Variants in MED13 observed in about 807,000 individuals in gnomAD.
MED13 encodes mediator complex subunit 13.
A neutral mutation model predicts 225.2 loss-of-function variants in MED13; 23 were observed. The ratio of observed to expected loss-of-function variants is 0.10; its 90% confidence interval spans 0.07 to 0.14. The LOEUF is 0.14. Ranked by LOEUF, MED13 falls within the 10% of genes least tolerant of loss-of-function variation. MED13 has a pLI of 1.00. For missense variants in MED13, 2,197 were observed against 2,594.5 expected (o/e 0.85, Z 3.33); for synonymous variants, 942 against 889.2 (o/e 1.06, Z -1.06).
chr17:62,017,728 G>GA (rs1394717711), intron 8 of MED13, among the ~76,000 whole-genome samples: 1 of 152,106 alleles, frequency 6.6e-6, no homozygotes, highest in East Asian at 1.9e-4. Flanking sequence ...TGTTTTTTAT[G>GA]ATAGTATCAC....
At chr17:61,984,455 T>C in intron 14 of MED13, 88 bp from the exon 15 acceptor site, 2 of 1,061,652 alleles carry the variant, frequency 1.9e-6, no homozygotes, top group Admixed American at 3.1e-5. Flanking sequence ...CTTTTTTCCT[T>C]TCTTTAAACA....
chr17:62,022,756 T>C (rs543511592), intron 8 of MED13, among the ~76,000 whole-genome samples: 48 of 152,304 alleles, frequency 3.2e-4, no homozygotes, highest in African/African-American at 1.1e-3. Context: ...ATGCCTGTAA[T>C]CTCAGCACTT....
At chr17:61,981,911 T>C (rs1265008967) in intron 16 of MED13, among the ~76,000 whole-genome samples, 3 of 152,242 alleles carry the variant, frequency 2.0e-5, no homozygotes, top group African/African-American at 7.2e-5. Flanking sequence ...TGAAAGAATG[T>C]TGAATAAAGC....
At position 62,023,270 on chromosome 17, in the gene MED13, C is replaced by T. The variant is rs373470943; in HGVS notation, c.1283+6271G>A. Among the ~76,000 whole-genome samples the T allele has an allele frequency of 5.3e-5, 8 of 152,124 alleles. No homozygotes were observed. In the East Asian group the frequency reaches 7.7e-4, roughly 15 times the overall value. On this transcript the variant is annotated intron_variant, in intron 8 of 29. Coordinates refer to ENST00000397786, the MANE Select transcript of MED13 (RefSeq NM_005121.3). ...GAAGCCAATGTTATCAGGCAGGGTCCAGACCTATCTTTCACACAGAAGAAA... is the reference window on the plus strand; with the variant it reads ...GAAGCCAATGTTATCAGGCAGGGTCTAGACCTATCTTTCACACAGAAGAAA...
intron 8 of MED13, among the ~76,000 whole-genome samples, chr17:62,019,292 T>C (rs543929901): frequency 9.8e-5 from 15 of 152,342 alleles, no homozygotes; most frequent in South Asian, 8.3e-4. Context: ...TGGCTACTGT[T>C]TTGGAAAATA....
intron 2 of MED13, among the ~76,000 whole-genome samples, chr17:62,055,522 T>A (rs1278193747): frequency 6.6e-6 from 1 of 151,888 alleles, no homozygotes; most frequent in Non-Finnish European, 1.5e-5. Flanking sequence ...GTCAAATGAT[T>A]TAAGAATATT....
At chr17:61,998,874 C>A (rs1399307856) in intron 9 of MED13, among the ~76,000 whole-genome samples, 1 of 149,554 alleles carries the variant, frequency 6.7e-6, no homozygotes. Flanking sequence ...GCTGGGATTA[C>A]AGGTGTGAGC....
At chr17:62,024,213 T>TCA (rs2080677720) in intron 8 of MED13, among the ~76,000 whole-genome samples, 1 of 152,186 alleles carries the variant, frequency 6.6e-6, no homozygotes, top group South Asian at 2.1e-4. Flanking sequence ...AGATGGTATT[T>TCA]CACCATGTTG....
chr17:61,951,438 T>C (rs1284162417), intron 27 of MED13, among the ~76,000 whole-genome samples: 4 of 152,222 alleles, frequency 2.6e-5, no homozygotes, highest in Non-Finnish European at 5.9e-5. Context: ...AAAATTATTA[T>C]GGCAACATGA....
chr17:61,976,515 C>CAACT (rs1163961071), intron 16 of MED13, among the ~76,000 whole-genome samples: 1 of 152,134 alleles, frequency 6.6e-6, no homozygotes, highest in East Asian at 1.9e-4. Flanking sequence ...AAAAAGCAGC[C>CAACT]AACTGTACAT....
chr17:62,039,138 C>T (rs539366385), intron 3 of MED13, among the ~76,000 whole-genome samples: 18 of 152,270 alleles, frequency 1.2e-4, no homozygotes, highest in Non-Finnish European at 1.9e-4. Context: ...TATTTACTAA[C>T]AACACTCAAT....
At chr17:62,029,811 T>C (rs767216943) in intron 7 of MED13, 40 bp downstream of exon 7, 2 of 1,557,838 alleles carry the variant, frequency 1.3e-6, no homozygotes, top group East Asian at 2.3e-5. Context: ...TAAGTAATTA[T>C]CAACATGCAA....
In MED13 at chr17:62,016,061, C is replaced by T. The variant is rs139166936; in HGVS notation, c.1284-4828G>A. Among the ~76,000 whole-genome samples, 581 of 137,836 alleles carry T rather than the reference C, an allele frequency of 4.2e-3. 6 individuals are homozygous for T. Among genetic ancestry groups the T allele is most frequent in the African/African-American group, 0.015 (552 of 36,658 alleles). The allele number at this position is 137,836 out of a possible 152,430, so 90.4% of individuals were successfully genotyped here. ...TCAAGTGATCTACCCACTTCAGCCT[C>T]CCAAAGTGCTGGGATTACAGGCATG... On this transcript the variant is annotated intron_variant, in intron 8 of 29. Coordinates refer to ENST00000397786, the MANE Select transcript of MED13 (RefSeq NM_005121.3).
chr17:62,011,048 G>A lies in MED13; in HGVS notation c.1469C>T (p.Ala490Val). Residue 490 changes from alanine (A) to valine (V), a missense_variant, in exon 9 of 30, where the codon GCA becomes GTA. Physicochemically the swap from Ala to Val is moderately conservative, Grantham distance 64. Coordinates refer to ENST00000397786, the MANE Select transcript of MED13 (RefSeq NM_005121.3). ...CACAAGTCTTTGGCTGGCTGAATCTGCGTCCATGCCAACATCATCACTAAC... is the reference window on the plus strand; with the variant it reads ...CACAAGTCTTTGGCTGGCTGAATCTACGTCCATGCCAACATCATCACTAAC... ...VSVSDDVGMD[A>V]DSASQRLVIS... The A allele has an allele frequency of 6.2e-7, 1 of 1,614,184 alleles. No individual in the cohort carries two copies. The highest frequency in any genetic ancestry group is 8.5e-7 in the Non-Finnish European group (1 of 1,180,024).
At position 62,009,144 on chromosome 17, in the gene MED13, A is replaced by G. The variant is rs188703834; in HGVS notation, c.1967+1406T>C. Among the ~76,000 whole-genome samples the G allele has an allele frequency of 2.6e-5, 4 of 152,344 alleles. No homozygotes were observed. In the East Asian group the frequency reaches 7.7e-4, roughly 29 times the overall value. ...ATAGGTAGACAGTTCTATTGAGCAT[A>G]ATGGTATTTTACTGGTTGATTTTCA... On this transcript the variant is annotated intron_variant, in intron 9 of 29. Coordinates refer to ENST00000397786, the MANE Select transcript of MED13 (RefSeq NM_005121.3).
Position 61,946,472 on chromosome 17 carries a change from A to G in MED13, c.6521T>C (p.Leu2174Pro). 1.2e-6 allele frequency: 2 copies of G among 1,612,822 alleles called. No homozygotes were observed. Among genetic ancestry groups the G allele is most frequent in the Non-Finnish European group, 1.7e-6 (2 of 1,179,440 alleles). Residue 2174 changes from leucine (L) to proline (P), a missense_variant, in exon 30 of 30, where the codon CTG (leucine) becomes CCG (proline). By Grantham distance (98) the Leu-to-Pro change is moderately conservative (BLOSUM62 -3). Coordinates refer to ENST00000397786, the MANE Select transcript of MED13 (RefSeq NM_005121.3). ...NQLYNFIMNM[L>P] ...CACAGTTCCATCAAATGAAGATCAC[A>G]GCATATTCATAATAAAGTTATATAA...
intron 3 of MED13, among the ~76,000 whole-genome samples, chr17:62,051,439 G>A (rs927977104): frequency 3.9e-5 from 6 of 152,114 alleles, no homozygotes; most frequent in African/African-American, 1.4e-4. Context: ...TTGCTACTGA[G>A]AAAAATCAAT....
chr17:62,062,600 CCACACACACA>C (rs58730188), intron 2 of MED13, among the ~76,000 whole-genome samples: 20 of 136,300 alleles, frequency 1.5e-4, no homozygotes, highest in East Asian at 2.7e-4. Context: ...CACACACACA[CCACACACACA>C]CACACACACA....
At position 61,955,851 on chromosome 17, in the gene MED13, A is replaced by C; in HGVS notation, c.5624-13T>G. 1 of 1,417,328 alleles carries C rather than the reference A, an allele frequency of 7.1e-7. No individual in the cohort carries two copies. The highest frequency in any genetic ancestry group is 9.2e-7 in the Non-Finnish European group (1 of 1,089,226). 87.8% of individuals were successfully genotyped at this position (1,417,328 alleles called of 1,614,324 possible). A position where few individuals can be genotyped will look rare whatever the true frequency, so the allele number is the denominator to read the frequency against. On this transcript the variant is annotated splice_polypyrimidine_tract_variant and intron_variant, in intron 24 of 29. Transcript: ENST00000397786. Reference sequence around the variant, plus strand: ...AAACAGCTCCAATCTGTGGGTATCAACAGTAAAAAAAAAAAAAAAAAAAAA... The same window carrying C: ...AAACAGCTCCAATCTGTGGGTATCACCAGTAAAAAAAAAAAAAAAAAAAAA...
Sources: allele counts gnomAD v4.1 joint callset (sites outside exome capture counted in the v4.1 genomes callset), GRCh38; gene constraint gnomAD v4.1.1; transcripts MANE v1.5; gene names NCBI Gene and HGNC (gene_info 2026-07-23, HGNC 2026-07-21).